PDE1C: variants seen among roughly 807,000 people sequenced by gnomAD.
PDE1C encodes the protein phosphodiesterase 1C.
PDE1C carries 62 observed loss-of-function variants against 93.1 expected under a neutral mutation model. The observed-to-expected ratio is 0.67, with a 90% CI of 0.54 to 0.82. The LOEUF is 0.82. Among genes scored for constraint, PDE1C ranks in the 40% least tolerant of loss-of-function variants. The pLI is 0.00. For missense variants in PDE1C, 742 were observed against 884.6 expected (o/e 0.84, Z 2.04); for synonymous variants, 325 against 310.1 (o/e 1.05, Z -0.50).
intron 2 of PDE1C, among the ~76,000 whole-genome samples, chr7:31,972,100 C>A (rs901997424): frequency 1.3e-5 from 2 of 152,188 alleles, no homozygotes; most frequent in African/African-American, 4.8e-5. Flanking sequence ...AAGGACCCAG[C>A]AACCTCTATG....
At chr7:31,903,837 C>T (rs1232790500) in intron 2 of PDE1C, among the ~76,000 whole-genome samples, 5 of 151,974 alleles carry the variant, frequency 3.3e-5, no homozygotes, top group Non-Finnish European at 7.4e-5. Context: ...CATGAGATGT[C>T]TAGGAAATTA....
chr7:32,407,003 C>G (rs1037008819), intron 1 of PDE1C, among the ~76,000 whole-genome samples: 1 of 152,138 alleles, frequency 6.6e-6, no homozygotes, highest in Non-Finnish European at 1.5e-5. Flanking sequence ...AGGCCGGGCG[C>G]GGTGGCTCAT....
chr7:31,659,572 T>C, the PDE1C span, among the ~76,000 whole-genome samples: 2 of 152,218 alleles, frequency 1.3e-5, no homozygotes, highest in African/African-American at 4.8e-5. Flanking sequence ...ATGTAGACTT[T>C]TGTATTTTGT....
intron 1 of PDE1C, among the ~76,000 whole-genome samples, chr7:32,336,822 G>C (rs937055040): frequency 2.0e-4 from 30 of 152,280 alleles, no homozygotes; most frequent in African/African-American, 7.2e-4. Flanking sequence ...TAGGAGAAAA[G>C]AGAATTCCCT....
intron 3 of PDE1C, among the ~76,000 whole-genome samples, chr7:32,087,625 G>A (rs552455112): frequency 9.3e-4 from 141 of 152,306 alleles, no homozygotes; most frequent in Non-Finnish European, 1.6e-3. Context: ...TGGTAGACTG[G>A]ATTAAGAAAA....
intron 1 of PDE1C, among the ~76,000 whole-genome samples, chr7:32,278,191 T>C (rs367661218): frequency 1.3e-5 from 2 of 148,896 alleles, no homozygotes; most frequent in African/African-American, 4.9e-5. Flanking sequence ...ACAGAAGTAA[T>C]ATACATATTG....
the PDE1C span, among the ~76,000 whole-genome samples, chr7:31,694,830 A>G: frequency 6.6e-6 from 1 of 152,196 alleles, no homozygotes; most frequent in Non-Finnish European, 1.5e-5. Context: ...CCAGGCTTCA[A>G]AGCTCTGGTG....
chr7:32,261,506 T>G (rs187477677), intron 1 of PDE1C, among the ~76,000 whole-genome samples: 380 of 152,290 alleles, frequency 2.5e-3, no homozygotes, highest in African/African-American at 8.7e-3. Context: ...CACAGCCAGC[T>G]CTGCGTGAAT....
intron 2 of PDE1C, among the ~76,000 whole-genome samples, chr7:32,207,415 C>T (rs1190191312): frequency 1.3e-5 from 2 of 151,656 alleles, no homozygotes; most frequent in African/African-American, 4.8e-5. Flanking sequence ...CTGAACTCTT[C>T]ATTCACACCA....
intron 3 of PDE1C, among the ~76,000 whole-genome samples, chr7:32,146,679 A>C (rs1800858257): frequency 6.6e-6 from 1 of 152,218 alleles, no homozygotes; most frequent in South Asian, 2.1e-4. Context: ...GCATGTGGAC[A>C]TCTTAGGGAG....
At chr7:32,270,801 T>G (rs1043008757) in intron 1 of PDE1C, among the ~76,000 whole-genome samples, 1 of 152,178 alleles carries the variant, frequency 6.6e-6, no homozygotes, top group South Asian at 2.1e-4. Flanking sequence ...AACCACCTTG[T>G]GCCTCTGTTT....
At chr7:32,232,413 C>T (rs1053223589) in intron 1 of PDE1C, among the ~76,000 whole-genome samples, 21 of 152,220 alleles carry the variant, frequency 1.4e-4, no homozygotes, top group African/African-American at 5.1e-4. Flanking sequence ...GGGGTATCTT[C>T]CTCTCTGACC....
exon 1 of PDE1C, chr7:32,427,916 C>A (rs1562720246): frequency 6.6e-6 from 1 of 152,368 alleles, no homozygotes; most frequent in Non-Finnish European, 1.5e-5. Flanking sequence ...ACTTCGGCAG[C>A]TCTTCTCGAT....
intron 1 of PDE1C, among the ~76,000 whole-genome samples, chr7:32,387,186 T>C (rs1332510186): frequency 6.6e-6 from 1 of 151,524 alleles, no homozygotes; most frequent in Non-Finnish European, 1.5e-5. Context: ...GAGCACAGGG[T>C]TGGGGATAAG....
rs1584147777 is a variant in PDE1C, at chr7:31,951,398, C to T, written c.129-70538G>A. Among the ~76,000 whole-genome samples, 3 of 152,204 alleles carry T rather than the reference C, an allele frequency of 2.0e-5. No homozygotes were observed. In the South Asian group the frequency reaches 6.2e-4, roughly 31 times the overall value. ...TATCACGGCATGCCTGGTAGTTCAG[C>T]CACTGGCTCCTGGCTTCGGCCCTCA... On this transcript the variant is annotated intron_variant, in intron 2 of 17. Transcript: ENST00000396191.
At chr7:31,928,330 G>A (rs780260057) in intron 2 of PDE1C, among the ~76,000 whole-genome samples, 29 of 152,160 alleles carry the variant, frequency 1.9e-4, no homozygotes, top group Non-Finnish European at 2.8e-4. Flanking sequence ...AAGTGACAGG[G>A]AGAATGGAAC....
At chr7:32,143,032 C>T (rs32319) in intron 3 of PDE1C, among the ~76,000 whole-genome samples, 80,860 of 151,538 alleles carry the variant, frequency 0.53, 23,877 homozygotes, top group Middle Eastern at 0.68. Flanking sequence ...CTTGCAGAGT[C>T]GGGAACTGAA....
At chr7:31,835,801 C>A (rs923671530) in intron 11 of PDE1C, among the ~76,000 whole-genome samples, 2 of 151,950 alleles carry the variant, frequency 1.3e-5, no homozygotes, top group Admixed American at 6.6e-5. Flanking sequence ...TTAACTCTAG[C>A]CCTACTTCAT....
At chr7:32,123,409 C>CAA (rs113537086) in intron 3 of PDE1C, among the ~76,000 whole-genome samples, 11 of 151,374 alleles carry the variant, frequency 7.3e-5, no homozygotes, top group South Asian at 4.2e-4. Context: ...ACACAATAAA[C>CAA]AAAAAAAAAC....
Sources: gnomAD v4.1 joint callset for allele counts (sites outside exome capture counted in the v4.1 genomes callset) on GRCh38, gnomAD v4.1.1 for gene constraint, MANE v1.5 for transcripts, NCBI Gene and HGNC (gene_info 2026-07-23, HGNC 2026-07-21) for gene names.